MAP2K4: variants seen among roughly 807,000 people sequenced by gnomAD.
MAP2K4 encodes mitogen-activated protein kinase kinase 4.
A neutral mutation model predicts 48.5 loss-of-function variants in MAP2K4; 4 were observed. The observed-to-expected ratio is 0.08, with a 90% CI of 0.04 to 0.19. MAP2K4 has a LOEUF of 0.19. Ranked by LOEUF, MAP2K4 falls within the 10% of genes least tolerant of loss-of-function variation. The pLI, the probability that MAP2K4 is intolerant of heterozygous loss-of-function variation, is 1.00. For synonymous variants in MAP2K4, 166 were observed against 173.1 expected (o/e 0.96, Z 0.32); for missense variants, 258 against 493.3 (o/e 0.52, Z 4.52).
intron 4 of MAP2K4, among the ~76,000 whole-genome samples, chr17:12,096,131 G>A (rs1971749165): frequency 7.9e-6 from 1 of 126,558 alleles, no homozygotes; most frequent in Non-Finnish European, 1.5e-5. Context: ...CTGTCATCAA[G>A]TGTATGTCTG....
chr17:12,070,207 T>G (rs183929661), intron 2 of MAP2K4, among the ~76,000 whole-genome samples: 46 of 152,118 alleles, frequency 3.0e-4, no homozygotes, highest in African/African-American at 1.1e-3. Flanking sequence ...AGAAGATATT[T>G]ATTTATTTAT....
chr17:12,035,849 G>A (rs188039499), intron 1 of MAP2K4, among the ~76,000 whole-genome samples: 148 of 152,252 alleles, frequency 9.7e-4, no homozygotes, highest in Non-Finnish European at 1.9e-3. Flanking sequence ...ATGACTAATG[G>A]AAGCTCTGAA....
At position 12,074,184 on chromosome 17, in the gene MAP2K4, G is replaced by C. The variant is rs571168861; in HGVS notation, c.219-7172G>C. Among the ~76,000 whole-genome samples the C allele has an allele frequency of 2.0e-5, 3 of 152,136 alleles. No individual in the cohort carries two copies. In the South Asian group the frequency reaches 6.2e-4, roughly 32 times the overall value. On this transcript the variant is annotated intron_variant, in intron 2 of 10. Transcript: ENST00000353533. The stretch of plus-strand genomic sequence containing the variant: ...TCGTTTTTTTAATATATGGAACGTG[G>C]TAAATGTTTCATTGTCTTTATTCTA...
chr17:12,109,693 A>G (rs76144999), intron 5 of MAP2K4, among the ~76,000 whole-genome samples: 1 of 152,230 alleles, frequency 6.6e-6, no homozygotes, highest in Non-Finnish European at 1.5e-5. Context: ...ATGAGGGTGG[A>G]TGATGATGAG....
intron 3 of MAP2K4, among the ~76,000 whole-genome samples, chr17:12,089,133 C>T (rs564674145): frequency 2.0e-5 from 3 of 152,120 alleles, no homozygotes; most frequent in East Asian, 3.9e-4. Context: ...AGGATGGTTT[C>T]GATCTCCTGA....
At chr17:12,021,373 G>T (rs980097470) in intron 1 of MAP2K4, 13 of 154,828 alleles carry the variant, frequency 8.4e-5, no homozygotes, top group Admixed American at 6.5e-5. Flanking sequence ...TCGGGGCTGC[G>T]GCGGAGCGGG....
At chr17:12,102,725 C>T (rs1335457916) in intron 4 of MAP2K4, among the ~76,000 whole-genome samples, 10 of 152,102 alleles carry the variant, frequency 6.6e-5, no homozygotes, top group South Asian at 2.1e-4. Context: ...ATTCAAGTTA[C>T]GTATTTCTTG....
chr17:12,123,356 T>G (rs185014841), intron 7 of MAP2K4, among the ~76,000 whole-genome samples: 1 of 152,338 alleles, frequency 6.6e-6, no homozygotes, highest in South Asian at 2.1e-4. Flanking sequence ...TATTTCTGTT[T>G]CATCTATTTC....
intron 2 of MAP2K4, among the ~76,000 whole-genome samples, chr17:12,079,190 T>TG (rs1207932693): frequency 6.6e-6 from 1 of 152,222 alleles, no homozygotes; most frequent in Non-Finnish European, 1.5e-5. Flanking sequence ...ATTCAGTTTT[T>TG]GGATATTAGC....
intron 1 of MAP2K4, among the ~76,000 whole-genome samples, chr17:12,040,283 TTG>T (rs1167856617): frequency 7.0e-6 from 1 of 143,628 alleles, no homozygotes; most frequent in Non-Finnish European, 1.6e-5. Context: ...AAGACAAAAT[TTG>T]TGTTTGGGGC....
chr17:12,082,092 A>T (rs1971208257), intron 3 of MAP2K4: 1 of 338,230 alleles, frequency 3.0e-6, no homozygotes, highest in Non-Finnish European at 6.5e-6. Context: ...ACCTTGTGAT[A>T]ATGTTGTCAC....
chr17:12,056,533 T>C (rs927472331), intron 2 of MAP2K4, among the ~76,000 whole-genome samples: 3 of 152,108 alleles, frequency 2.0e-5, no homozygotes, highest in African/African-American at 7.2e-5. Flanking sequence ...TATTTAAAAT[T>C]TGAAAGGACA....
At chr17:12,035,967 T>C (rs1969583417) in intron 1 of MAP2K4, among the ~76,000 whole-genome samples, 1 of 152,192 alleles carries the variant, frequency 6.6e-6, no homozygotes, top group South Asian at 2.1e-4. Context: ...CAGTGGAGTT[T>C]TATTGGAGAT....
chr17:12,046,156 C>T (rs1969956452), intron 1 of MAP2K4, among the ~76,000 whole-genome samples: 1 of 152,130 alleles, frequency 6.6e-6, no homozygotes. Flanking sequence ...ATTAAGGATT[C>T]AGAGAACTAT....
chr17:12,116,891 A>G (rs771851892), intron 7 of MAP2K4, among the ~76,000 whole-genome samples: 1 of 152,198 alleles, frequency 6.6e-6, no homozygotes. Context: ...TATACTTTTA[A>G]ATGACTGGCA....
intron 8 of MAP2K4, among the ~76,000 whole-genome samples, chr17:12,126,698 T>TG (rs1302472380): frequency 1.3e-5 from 2 of 152,090 alleles, no homozygotes; most frequent in Admixed American, 1.3e-4. Flanking sequence ...ATGGATTTGC[T>TG]GGGGGGTGGG....
chr17:12,073,914 C>T (rs1474719067), intron 2 of MAP2K4, among the ~76,000 whole-genome samples: 3 of 151,900 alleles, frequency 2.0e-5, no homozygotes, highest in African/African-American at 2.4e-5. Flanking sequence ...GCTGGGATTA[C>T]AGGTGCCCAC....
chr17:12,108,050 C>T, intron 5 of MAP2K4, 141 bp downstream of exon 5: 1 of 719,920 alleles, frequency 1.4e-6, no homozygotes, highest in Non-Finnish European at 2.2e-6. Context: ...GACAAAGTCA[C>T]TTCTGTGGGG....
At chr17:12,086,272 T>G (rs1971358150) in intron 3 of MAP2K4, among the ~76,000 whole-genome samples, 2 of 152,182 alleles carry the variant, frequency 1.3e-5, no homozygotes, top group Non-Finnish European at 2.9e-5. Context: ...GTGATTGAGC[T>G]GTATTCTTTT....
Sources: allele counts gnomAD v4.1 joint callset (sites outside exome capture counted in the v4.1 genomes callset), GRCh38; gene constraint gnomAD v4.1.1; transcripts MANE v1.5; gene names NCBI Gene and HGNC (gene_info 2026-07-23, HGNC 2026-07-21).